Variants in RNF180 observed in about 807,000 individuals in gnomAD.
RNF180 encodes ring finger protein 180, also known as E3 ubiquitin-protein ligase RNF180.
In RNF180, 38 loss-of-function variants were observed where a neutral mutation model predicts 59.2. The ratio of observed to expected loss-of-function variants is 0.64; its 90% CI spans 0.50 to 0.84. The LOEUF is 0.84. Among genes scored for constraint, RNF180 ranks in the 40% least tolerant of loss-of-function variants. RNF180 has a pLI of 0.00. For missense variants in RNF180, 705 were observed against 700.9 expected, an observed-to-expected ratio of 1.01 and a Z score of -0.07; for synonymous variants, 262 against 240.3, an observed-to-expected ratio of 1.09 and a Z score of -0.84.
chr5:64,265,903 T>C (rs1744642727), intron 5 of RNF180, among the ~76,000 whole-genome samples: 1 of 152,160 alleles, frequency 6.6e-6, no homozygotes, highest in Non-Finnish European at 1.5e-5. Context: ...CCTTGAGCAG[T>C]GGTTTGCAGT....
At chr5:64,228,494 A>G (rs1033509689) in intron 5 of RNF180, among the ~76,000 whole-genome samples, 1 of 152,188 alleles carries the variant, frequency 6.6e-6, no homozygotes, top group African/African-American at 2.4e-5. Context: ...ATCCTGGATG[A>G]CAGAACAATA....
intron 5 of RNF180, among the ~76,000 whole-genome samples, chr5:64,239,315 A>C (rs1742649946): frequency 1.3e-5 from 2 of 152,122 alleles, no homozygotes; most frequent in South Asian, 4.1e-4. Flanking sequence ...CAGGTGACTC[A>C]TATGCTCTTT....
intron 5 of RNF180, among the ~76,000 whole-genome samples, chr5:64,239,583 T>C (rs1394289351): frequency 4.6e-5 from 7 of 152,170 alleles, no homozygotes; most frequent in Non-Finnish European, 8.8e-5. Context: ...GTTGTATTGA[T>C]TATGGCATTT....
chr5:64,216,632 TTAA>T (rs759215393), intron 4 of RNF180, among the ~76,000 whole-genome samples: 2 of 152,196 alleles, frequency 1.3e-5, no homozygotes, highest in Non-Finnish European at 2.9e-5. Context: ...ACAGAAAGTA[TTAA>T]TGACAGTACA....
intron 5 of RNF180, among the ~76,000 whole-genome samples, chr5:64,264,517 G>T (rs112470824): frequency 1.8e-4 from 28 of 152,234 alleles, no homozygotes; most frequent in Admixed American, 9.2e-4. Context: ...TGCTGAGAAT[G>T]ATGGTTTCCA....
At chr5:64,168,216 G>A (rs550156883) in intron 1 of RNF180, among the ~76,000 whole-genome samples, 3 of 152,070 alleles carry the variant, frequency 2.0e-5, no homozygotes, top group South Asian at 4.1e-4. Flanking sequence ...TTCAGCTTGA[G>A]TACCTATTTT....
At chr5:64,348,723 A>T (rs1184824307) in intron 7 of RNF180, among the ~76,000 whole-genome samples, 1 of 152,034 alleles carries the variant, frequency 6.6e-6, no homozygotes, top group Non-Finnish European at 1.5e-5. Flanking sequence ...TTGGGATGAT[A>T]TTTAAAATAT....
intron 4 of RNF180, among the ~76,000 whole-genome samples, chr5:64,215,214 A>G (rs1231112134): frequency 1.3e-5 from 2 of 152,216 alleles, no homozygotes; most frequent in Non-Finnish European, 2.9e-5. Context: ...TGAGATGCTC[A>G]TGAACATTTG....
chr5:64,192,543 G>A lies in RNF180; in HGVS notation c.1-8265G>A, dbSNP rs539714249. ...AAAAATTACCTGGGCGTGGTGGCGC[G>A]TGCCTGTAATCCCAGCTACTCAGGA... On this transcript the variant is annotated intron_variant, in intron 1 of 7. Transcript: ENST00000389100. Among the ~76,000 whole-genome samples, 6 of 151,922 alleles carry A rather than the reference G, an allele frequency of 3.9e-5. 1 individual carries two copies. The highest frequency in any genetic ancestry group is 3.4e-3 in the Middle Eastern group (1 of 294).
At chr5:64,339,704 T>C (rs1745282874) in intron 7 of RNF180, among the ~76,000 whole-genome samples, 1 of 151,878 alleles carries the variant, frequency 6.6e-6, no homozygotes, top group Admixed American at 6.6e-5. Context: ...TTTTTTTTTT[T>C]CACACACACA....
At position 64,365,426 on chromosome 5, in the gene RNF180, G is replaced by T. The variant is rs566103943; in HGVS notation, c.1580-4189G>T. On this transcript the variant is annotated intron_variant, in intron 7 of 7. Coordinates refer to ENST00000389100, the MANE Select transcript of RNF180 (RefSeq NM_001113561.2). ...GAACTGTTTTATGTTCAATTGTGTG[G>T]TCAATTTTAGAGTATATGCCATGTG... Among the ~76,000 whole-genome samples, 6 of 151,806 alleles carry T rather than the reference G, an allele frequency of 4.0e-5. No homozygotes were observed. The East Asian group carries it at 1.2e-3, about 30-fold the overall frequency.
chr5:64,188,922 G>A (rs1751001062), intron 1 of RNF180, among the ~76,000 whole-genome samples: 1 of 152,026 alleles, frequency 6.6e-6, no homozygotes, highest in Non-Finnish European at 1.5e-5. Context: ...TTGGACATGA[G>A]GTCATAAAGG....
At chr5:64,252,199 G>T (rs1205372061) in intron 5 of RNF180, among the ~76,000 whole-genome samples, 1 of 152,166 alleles carries the variant, frequency 6.6e-6, no homozygotes, top group Admixed American at 6.6e-5. Context: ...CAATGGATCA[G>T]TATAGAGAGC....
rs77906914 is a variant in RNF180, at chr5:64,230,826, A to G, written c.1227+13430A>G. Among the ~76,000 whole-genome samples, 227 of 152,326 alleles carry G rather than the reference A, an allele frequency of 1.5e-3. 1 individual carries two copies. Among genetic ancestry groups the G allele is most frequent in the African/African-American group, 5.2e-3 (217 of 41,576 alleles). On this transcript the variant is annotated intron_variant, in intron 5 of 7. Coordinates refer to ENST00000389100, the MANE Select transcript of RNF180 (RefSeq NM_001113561.2). ...TTCTAGAAAAATTAGTGTTTTCTCTAACTTTCTTTGGAATTTCCACATTAT... is the reference window on the plus strand; with the variant it reads ...TTCTAGAAAAATTAGTGTTTTCTCTGACTTTCTTTGGAATTTCCACATTAT...
intron 5 of RNF180, among the ~76,000 whole-genome samples, chr5:64,234,712 GC>G (rs1028317534): frequency 2.8e-5 from 4 of 142,098 alleles, no homozygotes; most frequent in Non-Finnish European, 4.5e-5. Flanking sequence ...CCATTCTCCG[GC>G]CTCAGCCTCC....
chr5:64,276,815 T>C (rs1351384635), intron 5 of RNF180, among the ~76,000 whole-genome samples: 1 of 152,094 alleles, frequency 6.6e-6, no homozygotes, highest in Non-Finnish European at 1.5e-5. Flanking sequence ...TTTATTCCAC[T>C]CAAATGAAAA....
chr5:64,247,206 A>G (rs569738233), intron 5 of RNF180, among the ~76,000 whole-genome samples: 4 of 152,304 alleles, frequency 2.6e-5, no homozygotes, highest in African/African-American at 9.6e-5. Context: ...CCAGCACAAG[A>G]CAAGAATGCC....
At chr5:64,340,351 TA>T (rs1223800809) in intron 7 of RNF180, among the ~76,000 whole-genome samples, 1 of 152,218 alleles carries the variant, frequency 6.6e-6, no homozygotes, top group African/African-American at 2.4e-5. Flanking sequence ...GATATATATT[TA>T]TGACAATCCA....
At chr5:64,196,307 C>G (rs1019979314) in intron 1 of RNF180, among the ~76,000 whole-genome samples, 1 of 151,870 alleles carries the variant, frequency 6.6e-6, no homozygotes, top group Non-Finnish European at 1.5e-5. Context: ...ATTATGTTCT[C>G]CCTGATTTTA....
Sources: allele counts gnomAD v4.1 joint callset (sites outside exome capture counted in the v4.1 genomes callset), GRCh38; gene constraint gnomAD v4.1.1; transcripts MANE v1.5; gene names NCBI Gene and HGNC (gene_info 2026-07-23, HGNC 2026-07-21).